The following SPINK5 variants were observed in gnomAD, a reference collection of about 807,000 sequenced individuals.
SPINK5 encodes serine peptidase inhibitor Kazal type 5, also known as serine protease inhibitor Kazal-type 5.
A neutral mutation model predicts 151.8 loss-of-function variants in SPINK5; 125 were observed. The observed-to-expected ratio is 0.82, with a 90% confidence interval of 0.71 to 0.96. SPINK5 has a LOEUF of 0.96. Among genes scored for constraint, SPINK5 ranks in the 40% least tolerant of loss-of-function variants. The pLI is 0.00. For synonymous variants in SPINK5, 374 were observed against 395.3 expected (o/e 0.95, Z 0.64); for missense variants, 1,194 against 1,291.9 (o/e 0.92, Z 1.16).
At chr5:148,118,867 T>C in intron 23 of SPINK5, 119 bp from the exon 24 acceptor site, 1 of 1,069,146 alleles carries the variant, frequency 9.4e-7, no homozygotes, top group Non-Finnish European at 1.4e-6. Context: ...CCATTTGGAA[T>C]CATTGACCAG....
chr5:148,118,573 TTC>T lies in SPINK5; in HGVS notation c.2240+14_2240+15del. 6.2e-7 allele frequency: 1 copy of T among 1,613,996 alleles called. No homozygotes were observed. The highest frequency in any genetic ancestry group is 8.5e-7 in the Non-Finnish European group (1 of 1,179,970). ...ATGTGTAAAGCAAAATTGTAAGTAT[TTC>T]TCTCAACAGGCATGTCTAAAATATA... On this transcript the variant is annotated intron_variant, in intron 23 of 32. Coordinates refer to ENST00000256084, the MANE Select transcript of SPINK5 (RefSeq NM_006846.4).
intron 4 of SPINK5, 120 bp from the exon 5 acceptor site, chr5:148,086,282 CATG>C: frequency 8.3e-7 from 1 of 1,200,672 alleles, no homozygotes. Context: ...ATGTAGCCTT[CATG>C]ATATGTTTTT....
At position 148,064,234 on chromosome 5, in the gene SPINK5, G is replaced by C. The variant is rs569256314; in HGVS notation, c.55+135G>C. 51 of 890,186 alleles carry C rather than the reference G, an allele frequency of 5.7e-5. 1 individual carries two copies. The highest frequency in any genetic ancestry group is 4.2e-4 in the African/African-American group (26 of 61,406). 55.1% of individuals were successfully genotyped at this position (890,186 alleles called of 1,614,324 possible). A position where few individuals can be genotyped will look rare whatever the true frequency, so the allele number is the denominator to read the frequency against. On this transcript the variant is annotated intron_variant, in intron 1 of 32. Transcript: ENST00000256084. ...ATCCTGAAATGTCTTGCCAGACACA[G>C]AGTTCTGAAGATTTATATATGTGGC...
Position 148,118,994 on chromosome 5 carries a change from A to C in SPINK5, c.2249A>C (p.Glu750Ala), listed in dbSNP as rs764917567. Residue 750 changes from glutamate (E) to alanine (A), a missense_variant, in exon 24 of 33, where the codon GAA (glutamate) becomes GCA (alanine). By Grantham distance (107) the Glu-to-Ala change is moderately radical. Coordinates refer to ENST00000256084, the MANE Select transcript of SPINK5 (RefSeq NM_006846.4). ...CTMCKAKLEREAERKNEYSRS... is the reference protein window; with the variant it reads ...CTMCKAKLERAAERKNEYSRS... ...ACTTTTTTCTCCTCCAGGGAAAGAG[A>C]AGCAGAGAGAAAAAATGAGTATTCT... 5.6e-6 allele frequency: 9 copies of C among 1,613,856 alleles called. No homozygotes were observed. Among genetic ancestry groups the C allele is most frequent in the Non-Finnish European group, 7.6e-6 (9 of 1,179,860 alleles).
At chr5:148,115,823 CTT>C (rs567120637) in intron 21 of SPINK5, among the ~76,000 whole-genome samples, 11 of 139,762 alleles carry the variant, frequency 7.9e-5, no homozygotes, top group Admixed American at 1.4e-4. Context: ...CTCACCTTGT[CTT>C]TTTTTTTTTT....
chr5:148,106,021 CT>C (rs987775446), intron 16 of SPINK5, among the ~76,000 whole-genome samples: 9 of 148,426 alleles, frequency 6.1e-5, no homozygotes, highest in South Asian at 2.1e-4. Flanking sequence ...CTTACTGACT[CT>C]TTTTTTTTTA....
intron 2 of SPINK5, 186 bp downstream of exon 2, chr5:148,065,558 CA>C: frequency 1.7e-6 from 1 of 603,330 alleles, no homozygotes; most frequent in Admixed American, 2.6e-5. Flanking sequence ...CACACACACA[CA>C]CACACACACA....
chr5:148,095,502 A>G (rs1473989077), intron 9 of SPINK5, among the ~76,000 whole-genome samples: 1 of 152,040 alleles, frequency 6.6e-6, no homozygotes, highest in Non-Finnish European at 1.5e-5. Context: ...AGAGAAGACT[A>G]TTCGATACAA....
intron 12 of SPINK5, among the ~76,000 whole-genome samples, chr5:148,099,902 C>G (rs1453796930): frequency 2.6e-5 from 4 of 152,104 alleles, no homozygotes; most frequent in Non-Finnish European, 2.9e-5. Context: ...AGCAGCTCAT[C>G]ATCATATACA....
intron 8 of SPINK5, 122 bp from the exon 9 acceptor site, chr5:148,094,232 C>A: frequency 9.3e-7 from 1 of 1,076,778 alleles, no homozygotes; most frequent in Non-Finnish European, 1.4e-6. Flanking sequence ...AGGTTAGAGG[C>A]TTCACTGAGC....
chr5:148,110,597 G>A (rs58670387), intron 18 of SPINK5, among the ~76,000 whole-genome samples: 31,384 of 151,824 alleles, frequency 0.21, 5,273 homozygotes, highest in African/African-American at 0.45. Flanking sequence ...AAAACTCTGT[G>A]CTAGTTTTCT....
chr5:148,124,720 A>C, intron 27 of SPINK5, 45 bp from the exon 28 acceptor site: 1 of 1,465,912 alleles, frequency 6.8e-7, no homozygotes, highest in Non-Finnish European at 9.2e-7. Context: ...ATTCAGTAAC[A>C]ACCCTTGAAA....
rs1268672159 is a variant in SPINK5, at chr5:148,099,149, A to G, written c.1011-85A>G. The G allele has an allele frequency of 9.5e-6, 12 of 1,262,530 alleles. No homozygotes were observed. In the Admixed American group the frequency reaches 2.4e-4, roughly 25 times the overall value. 78.2% of individuals were successfully genotyped at this position (1,262,530 alleles called of 1,614,324 possible). On this transcript the variant is annotated intron_variant, in intron 11 of 32. Coordinates refer to ENST00000256084, the MANE Select transcript of SPINK5 (RefSeq NM_006846.4). ...CAAAATTGTTCCACTCTAAGGAGGG[A>G]GAACAGTTAACAGTGCAAGGATGTG...
intron 12 of SPINK5, among the ~76,000 whole-genome samples, chr5:148,099,719 A>T (rs1301739918): frequency 6.6e-6 from 1 of 152,072 alleles, no homozygotes; most frequent in Non-Finnish European, 1.5e-5. Context: ...ATATTACAAT[A>T]TTAGTTTCCA....
Position 148,088,529 on chromosome 5 carries a change from CT to C in SPINK5, c.411-9del, listed in dbSNP as rs745691257. 8 of 1,610,848 alleles carry C rather than the reference CT, an allele frequency of 5.0e-6. No individual in the cohort carries two copies. Among genetic ancestry groups the C allele is most frequent in the Non-Finnish European group, 6.8e-6 (8 of 1,178,002 alleles). ...GATATTAAACTGCTGTGTCTACTAACTTTTGATTCTAGGAAAACCGGGTCCC... is the reference window on the plus strand; with the variant it reads ...GATATTAAACTGCTGTGTCTACTAACTTTGATTCTAGGAAAACCGGGTCCC... On this transcript the variant is annotated splice_polypyrimidine_tract_variant and intron_variant, in intron 5 of 32. Coordinates refer to ENST00000256084, the MANE Select transcript of SPINK5 (RefSeq NM_006846.4).
intron 9 of SPINK5, among the ~76,000 whole-genome samples, chr5:148,095,489 A>G (rs543021366): frequency 2.6e-5 from 4 of 152,154 alleles, no homozygotes; most frequent in South Asian, 4.1e-4. Context: ...AAACTGCTGT[A>G]TAAGAGAAGA....
chr5:148,094,389 T>C lies in SPINK5; in HGVS notation c.702T>C (p.Asn234=). ...FCKEYEKQVR[N]GRLFCTRESD... is the part of the protein sequence containing the mutation. Reference sequence around the variant, plus strand: ...AGGAATATGAAAAACAAGTGAGAAATGGAAGGCTTTTTTGTACACGGGAGA... The same window carrying C: ...AGGAATATGAAAAACAAGTGAGAAACGGAAGGCTTTTTTGTACACGGGAGA... Residue 234 remains asparagine, a synonymous_variant, in exon 9 of 33, where the codon AAT becomes AAC. Coordinates refer to ENST00000256084, the MANE Select transcript of SPINK5 (RefSeq NM_006846.4). The C allele has an allele frequency of 6.2e-7, 1 of 1,612,658 alleles. No individual in the cohort carries two copies. Among genetic ancestry groups the C allele is most frequent in the Non-Finnish European group, 8.5e-7 (1 of 1,179,026 alleles).
At chr5:148,135,547 TTAA>T (rs1754676707) in intron 32 of SPINK5, among the ~76,000 whole-genome samples, 1 of 152,198 alleles carries the variant, frequency 6.6e-6, no homozygotes, top group African/African-American at 2.4e-5. Context: ...ATAGCAGGCA[TTAA>T]TAATGACAGA....
chr5:148,132,023 C>T (rs946399344), intron 31 of SPINK5, among the ~76,000 whole-genome samples: 1 of 152,166 alleles, frequency 6.6e-6, no homozygotes, highest in Non-Finnish European at 1.5e-5. Context: ...CTGCTGACTT[C>T]ACAGATGATT....
Sources: gnomAD v4.1 joint callset for allele counts (sites outside exome capture counted in the v4.1 genomes callset) on GRCh38, gnomAD v4.1.1 for gene constraint, MANE v1.5 for transcripts, NCBI Gene and HGNC (gene_info 2026-07-23, HGNC 2026-07-21) for gene names.